Variants in IL1RAP observed in about 807,000 individuals in gnomAD.
IL1RAP encodes interleukin 1 receptor accessory protein.
IL1RAP carries 35 observed loss-of-function variants against 60.7 expected under a neutral mutation model. That is an observed-to-expected ratio of 0.58 (90% CI 0.44 to 0.76). IL1RAP has a LOEUF of 0.76. IL1RAP is among the 30% of genes least tolerant of loss of function. The pLI, the probability that IL1RAP is intolerant of heterozygous loss-of-function variation, is 0.00. For synonymous variants in IL1RAP, 268 were observed against 250.9 expected (o/e 1.07, Z -0.64); for missense variants, 572 against 693.9 (o/e 0.82, Z 1.97).
At chr3:190,617,364 G>T (rs186258802) in intron 5 of IL1RAP, among the ~76,000 whole-genome samples, 9 of 152,128 alleles carry the variant, frequency 5.9e-5, no homozygotes, top group Admixed American at 5.2e-4. Flanking sequence ...CACATGATTC[G>T]TTTCAGTTGA....
chr3:190,536,290 A>AT (rs1034538252), intron 1 of IL1RAP, among the ~76,000 whole-genome samples: 4 of 151,462 alleles, frequency 2.6e-5, no homozygotes, highest in Non-Finnish European at 2.9e-5. Context: ...TCTTTTTTTA[A>AT]TTTTTTTTTA....
In IL1RAP at chr3:190,649,544, A is replaced by C; in HGVS notation, c.*839A>C. 2 of 985,812 alleles carry C rather than the reference A, an allele frequency of 2.0e-6. No homozygotes were observed. Among genetic ancestry groups the C allele is most frequent in the Non-Finnish European group, 2.4e-6 (2 of 829,916 alleles). The allele number at this position is 985,812 out of a possible 1,614,324, so 61.1% of individuals were successfully genotyped here. Reference sequence around the variant, plus strand: ...TGCTATAGAGAGGGAGGTAACAGAAAGACTCTTTTAGGGCATTTTTCTGAC... The same window carrying C: ...TGCTATAGAGAGGGAGGTAACAGAACGACTCTTTTAGGGCATTTTTCTGAC... On this transcript the variant is annotated 3_prime_UTR_variant, in exon 12 of 12. Coordinates refer to ENST00000447382, the MANE Select transcript of IL1RAP (RefSeq NM_002182.4).
intron 3 of IL1RAP, among the ~76,000 whole-genome samples, chr3:190,590,534 G>A (rs1728856729): frequency 6.6e-6 from 1 of 152,092 alleles, no homozygotes; most frequent in Non-Finnish European, 1.5e-5. Context: ...GGATTACAAG[G>A]TGTGAGCCAC....
intron 3 of IL1RAP, among the ~76,000 whole-genome samples, chr3:190,587,205 T>G (rs901565582): frequency 6.6e-6 from 1 of 152,180 alleles, no homozygotes; most frequent in Non-Finnish European, 1.5e-5. Context: ...CAGTCAGCAT[T>G]AAATTTCAGA....
At chr3:190,634,867 C>G (rs2108833524) in intron 9 of IL1RAP, among the ~76,000 whole-genome samples, 1 of 152,292 alleles carries the variant, frequency 6.6e-6, no homozygotes, top group East Asian at 1.9e-4. Flanking sequence ...AGGCGTCCGC[C>G]TCCACGGCCG....
chr3:190,644,637 C>G (rs573925625), intron 10 of IL1RAP, among the ~76,000 whole-genome samples: 2 of 151,902 alleles, frequency 1.3e-5, no homozygotes, highest in Non-Finnish European at 2.9e-5. Flanking sequence ...AAATATAATG[C>G]GAGCCACTTA....
chr3:190,633,545 C>T (rs1345387917), intron 9 of IL1RAP, among the ~76,000 whole-genome samples: 7 of 151,906 alleles, frequency 4.6e-5, no homozygotes, highest in African/African-American at 1.2e-4. Context: ...TTAGTAGAGA[C>T]GGGGTTTCTC....
intron 3 of IL1RAP, among the ~76,000 whole-genome samples, chr3:190,577,063 C>G (rs371135137): frequency 6.9e-6 from 1 of 144,944 alleles, no homozygotes; most frequent in Non-Finnish European, 1.5e-5. Context: ...ATCGCGCCAC[C>G]GCACTCCCGC....
chr3:190,575,706 C>T (rs147804569), intron 3 of IL1RAP, among the ~76,000 whole-genome samples: 123 of 152,236 alleles, frequency 8.1e-4, no homozygotes, highest in Non-Finnish European at 1.2e-3. Context: ...AGTAAAAGGC[C>T]ATTGAAAGGA....
At chr3:190,615,106 C>T (rs1365427882) in intron 5 of IL1RAP, among the ~76,000 whole-genome samples, 4 of 151,668 alleles carry the variant, frequency 2.6e-5, no homozygotes, top group Admixed American at 1.3e-4. Context: ...CATGAATTCA[C>T]AATTCTCTAA....
intron 2 of IL1RAP, among the ~76,000 whole-genome samples, chr3:190,559,005 G>T (rs1254530003): frequency 6.6e-6 from 1 of 152,146 alleles, no homozygotes; most frequent in African/African-American, 2.4e-5. Flanking sequence ...TGAAATGATG[G>T]TGTCAGCAGT....
intron 4 of IL1RAP, 32 bp from the exon 5 acceptor site, chr3:190,608,963 A>T: frequency 6.4e-7 from 1 of 1,557,248 alleles, no homozygotes. Flanking sequence ...AAATGCAAAT[A>T]CTACCCATTC....
chr3:190,624,486 G>A lies in IL1RAP; in HGVS notation c.775+1071G>A, dbSNP rs1332685202. The A allele has an allele frequency of 2.0e-5, 3 of 152,120 alleles. No homozygotes were observed. The East Asian group carries it at 5.8e-4, about 29-fold the overall frequency. 9.4% of individuals were successfully genotyped at this position (152,120 alleles called of 1,614,324 possible). A position where few individuals can be genotyped will look rare whatever the true frequency, so the allele number is the denominator to read the frequency against. On this transcript the variant is annotated intron_variant, in intron 7 of 11. Coordinates refer to ENST00000447382, the MANE Select transcript of IL1RAP (RefSeq NM_002182.4). ...TATGACCTCCCAACTGTTTTTCTTT[G>A]GAGTGTGACACGAGTGACTCCATTT...
At chr3:190,599,697 T>G (rs1254898063) in intron 3 of IL1RAP, among the ~76,000 whole-genome samples, 7 of 148,646 alleles carry the variant, frequency 4.7e-5, no homozygotes, top group African/African-American at 1.7e-4. Context: ...TCTTGGTATT[T>G]TGGGTTTTTT....
chr3:190,639,211 T>C (rs986161275), intron 9 of IL1RAP, among the ~76,000 whole-genome samples: 4 of 152,142 alleles, frequency 2.6e-5, no homozygotes, highest in Non-Finnish European at 5.9e-5. Flanking sequence ...CAAATATGTC[T>C]AGCTTTCCCC....
chr3:190,627,304 T>G lies in IL1RAP; in HGVS notation c.776-19T>G. 1 of 1,452,804 alleles carries G rather than the reference T, an allele frequency of 6.9e-7. No individual in the cohort carries two copies. Among genetic ancestry groups the G allele is most frequent in the African/African-American group, 2.6e-5 (1 of 39,130 alleles). The allele number at this position is 1,452,804 out of a possible 1,614,324, so 90.0% of individuals were successfully genotyped here. ...GTTTTGTTTTTTGTTTTTTTTGTTT[T>G]TTTGGTTTTTTTTTTCAGGAGAGGA... On this transcript the variant is annotated intron_variant, in intron 7 of 11. Transcript: ENST00000447382.
At chr3:190,533,069 G>A (rs750458039) in intron 1 of IL1RAP, among the ~76,000 whole-genome samples, 8 of 152,248 alleles carry the variant, frequency 5.3e-5, no homozygotes, top group East Asian at 1.9e-4. Flanking sequence ...GTTCCATGAC[G>A]TTATGGAAAT....
intron 4 of IL1RAP, among the ~76,000 whole-genome samples, chr3:190,607,477 G>T (rs994551028): frequency 3.9e-5 from 6 of 152,090 alleles, no homozygotes; most frequent in Non-Finnish European, 5.9e-5. Flanking sequence ...ATATTTTACA[G>T]AGGATAAGCG....
In IL1RAP at chr3:190,651,378, C is replaced by G. The variant is rs1277015069; in HGVS notation, c.*2673C>G. On this transcript the variant is annotated 3_prime_UTR_variant, in exon 12 of 12. Coordinates refer to ENST00000447382, the MANE Select transcript of IL1RAP (RefSeq NM_002182.4). ...AAACAAAAACATCATTCATTAATTA[C>G]TTATTTTCTTTCCATAGGTTTTAAT... 1.2e-6 allele frequency: 1 copy of G among 806,156 alleles called. No individual in the cohort carries two copies. The highest frequency in any genetic ancestry group is 1.5e-6 in the Non-Finnish European group (1 of 666,676). 49.9% of individuals were successfully genotyped at this position (806,156 alleles called of 1,614,324 possible). A position where few individuals can be genotyped will look rare whatever the true frequency, so the allele number is the denominator to read the frequency against.
Sources: allele counts gnomAD v4.1 joint callset (sites outside exome capture counted in the v4.1 genomes callset), GRCh38; gene constraint gnomAD v4.1.1; transcripts MANE v1.5; gene names NCBI Gene and HGNC (gene_info 2026-07-23, HGNC 2026-07-21).